Variants in FSTL5 observed in about 807,000 individuals in gnomAD.
FSTL5 encodes the protein follistatin-related protein 5.
In FSTL5, 62 loss-of-function variants were observed where a neutral mutation model predicts 89.1. The ratio of observed to expected loss-of-function variants is 0.70; its 90% CI spans 0.57 to 0.86. FSTL5 has a LOEUF of 0.86. Among genes scored for constraint, FSTL5 ranks in the 40% least tolerant of loss-of-function variants. FSTL5 has a pLI of 0.00. For missense variants in FSTL5, 1,057 were observed against 1,001.6 expected (o/e 1.06, Z -0.75); for synonymous variants, 383 against 346.2 (o/e 1.11, Z -1.18).
chr4:161,541,528 C>T (rs1438923852), intron 9 of FSTL5, among the ~76,000 whole-genome samples: 1 of 151,968 alleles, frequency 6.6e-6, no homozygotes, highest in South Asian at 2.1e-4. Flanking sequence ...TACGTATGCA[C>T]ATTAGTGATT....
At position 161,613,891 on chromosome 4, in the gene FSTL5, G is replaced by A. The variant is rs1012628441; in HGVS notation, c.895-26316C>T. ...CACTTTGAAACAAACTATGCAACAT[G>A]AATTTCTAATATAGTTTAATTATAT... is the stretch of plus-strand genomic sequence containing the variant. On this transcript the variant is annotated intron_variant, in intron 7 of 15. Transcript: ENST00000306100. Among the ~76,000 whole-genome samples, 20 of 152,140 alleles carry A rather than the reference G, an allele frequency of 1.3e-4. No homozygotes were observed. In the South Asian group the frequency reaches 4.2e-3, roughly 32 times the overall value.
chr4:162,071,106 G>C (rs1172306653), intron 2 of FSTL5, among the ~76,000 whole-genome samples: 1 of 151,552 alleles, frequency 6.6e-6, no homozygotes, highest in East Asian at 1.9e-4. Flanking sequence ...ACAATTAACA[G>C]AATGAAACAT....
chr4:161,425,554 T>G (rs1732141043), intron 15 of FSTL5, among the ~76,000 whole-genome samples: 1 of 152,218 alleles, frequency 6.6e-6, no homozygotes, highest in Admixed American at 6.5e-5. Flanking sequence ...GCCCAGGAAA[T>G]TCCTATTCTG....
chr4:161,658,309 A>C (rs1466364385), intron 6 of FSTL5, among the ~76,000 whole-genome samples: 2 of 151,716 alleles, frequency 1.3e-5, no homozygotes, highest in African/African-American at 4.8e-5. Flanking sequence ...AAATAGAAAA[A>C]AAAGCCAGGC....
In FSTL5 at chr4:161,835,377, C is replaced by G. The variant is rs1731002451; in HGVS notation, c.410-59303G>C. ...AGAAGAAAACCTAGGCATTACAATT[C>G]AGGACATAGGCATAGGCAAGGACTT... On this transcript the variant is annotated intron_variant, in intron 4 of 15. Coordinates refer to ENST00000306100, the MANE Select transcript of FSTL5 (RefSeq NM_020116.5). 2.0e-5 allele frequency among the ~76,000 whole-genome samples: 3 copies of G among 152,248 alleles called. No individual in the cohort carries two copies. In the South Asian group the frequency reaches 6.2e-4, roughly 32 times the overall value.
At chr4:161,580,765 T>C (rs958533649) in intron 8 of FSTL5, among the ~76,000 whole-genome samples, 3 of 152,142 alleles carry the variant, frequency 2.0e-5, no homozygotes, top group Non-Finnish European at 2.9e-5. Context: ...GGCAGTTAGA[T>C]TGGGGCAAAA....
chr4:161,508,108 T>C (rs1730539274), intron 11 of FSTL5, among the ~76,000 whole-genome samples: 1 of 152,066 alleles, frequency 6.6e-6, no homozygotes, highest in Non-Finnish European at 1.5e-5. Flanking sequence ...TTTAGTTACC[T>C]ATAATTTTAA....
intron 15 of FSTL5, among the ~76,000 whole-genome samples, chr4:161,425,570 T>C (rs1438761778): frequency 6.6e-6 from 1 of 152,214 alleles, no homozygotes; most frequent in Non-Finnish European, 1.5e-5. Flanking sequence ...TTCTGAAGAA[T>C]TGTTGCCTCC....
At chr4:161,793,548 A>AT (rs1166299954) in intron 4 of FSTL5, among the ~76,000 whole-genome samples, 2 of 151,904 alleles carry the variant, frequency 1.3e-5, no homozygotes, top group Non-Finnish European at 2.9e-5. Flanking sequence ...ATGGATTGGA[A>AT]TTTTTTTCTT....
intron 15 of FSTL5, among the ~76,000 whole-genome samples, chr4:161,408,460 C>A (rs2110927766): frequency 6.6e-6 from 1 of 152,246 alleles, no homozygotes; most frequent in Middle Eastern, 3.4e-3. Context: ...TAAAGAAATA[C>A]CAGCCCTCCC....
At chr4:162,118,324 G>A (rs1205839905) in intron 1 of FSTL5, among the ~76,000 whole-genome samples, 3 of 151,880 alleles carry the variant, frequency 2.0e-5, no homozygotes, top group African/African-American at 7.3e-5. Context: ...GCAGTGGCGC[G>A]ATCTCGGCTC....
intron 6 of FSTL5, among the ~76,000 whole-genome samples, chr4:161,758,293 T>A (rs1740648098): frequency 6.6e-6 from 1 of 152,122 alleles, no homozygotes; most frequent in South Asian, 2.1e-4. Flanking sequence ...AAAAAAGACC[T>A]TTTTACACAA....
At chr4:161,444,668 T>C (rs780969181) in intron 15 of FSTL5, among the ~76,000 whole-genome samples, 7 of 151,742 alleles carry the variant, frequency 4.6e-5, no homozygotes, top group African/African-American at 7.3e-5. Context: ...AAAAATATGG[T>C]GTAGATCTGT....
chr4:161,822,170 C>G (rs1469643251), intron 4 of FSTL5, among the ~76,000 whole-genome samples: 1 of 152,018 alleles, frequency 6.6e-6, no homozygotes, highest in Non-Finnish European at 1.5e-5. Context: ...TTTACATTTT[C>G]CTGATCATTA....
intron 4 of FSTL5, among the ~76,000 whole-genome samples, chr4:161,779,039 A>C (rs1157909145): frequency 6.6e-6 from 1 of 152,182 alleles, no homozygotes; most frequent in African/African-American, 2.4e-5. Context: ...CATTGGGGAG[A>C]TCTGAATGTT....
intron 4 of FSTL5, among the ~76,000 whole-genome samples, chr4:161,777,819 T>C (rs2126805842): frequency 6.6e-6 from 1 of 152,154 alleles, no homozygotes; most frequent in South Asian, 2.1e-4. Flanking sequence ...AACGGCCAGG[T>C]GCAGTGGCTC....
At chr4:161,833,441 A>T in intron 4 of FSTL5, among the ~76,000 whole-genome samples, 1 of 97,864 alleles carries the variant, frequency 1.0e-5, no homozygotes, top group Non-Finnish European at 2.3e-5. Context: ...ATCCTTGTTA[A>T]CTTTCTGTCT....
intron 6 of FSTL5, among the ~76,000 whole-genome samples, chr4:161,727,216 C>A (rs1007988349): frequency 1.1e-4 from 17 of 152,086 alleles, no homozygotes; most frequent in Admixed American, 9.8e-4. Flanking sequence ...TATTTTTTGA[C>A]AACTGACTTC....
At chr4:161,960,830 C>G (rs1004655173) in intron 3 of FSTL5, among the ~76,000 whole-genome samples, 1 of 151,662 alleles carries the variant, frequency 6.6e-6, no homozygotes, top group Non-Finnish European at 1.5e-5. Flanking sequence ...ATAATTACCT[C>G]AAAAGGATCA....
Sources: gnomAD v4.1 joint callset for allele counts (sites outside exome capture counted in the v4.1 genomes callset) on GRCh38, gnomAD v4.1.1 for gene constraint, MANE v1.5 for transcripts, NCBI Gene and HGNC (gene_info 2026-07-23, HGNC 2026-07-21) for gene names.